ZNF521: variants seen among roughly 807,000 people sequenced by gnomAD.
ZNF521 encodes the protein zinc finger protein 521, also known as LYST-interacting protein 3.
A neutral mutation model predicts 105.5 loss-of-function variants in ZNF521; 14 were observed. That is an observed-to-expected ratio of 0.13 (90% CI 0.09 to 0.21). The LOEUF (loss-of-function observed/expected upper bound fraction) is 0.21. Ranked by LOEUF, ZNF521 falls within the 10% of genes least tolerant of loss-of-function variation. The pLI is 1.00. For synonymous variants in ZNF521, 635 were observed against 606.0 expected (o/e 1.05, Z -0.70); for missense variants, 1,233 against 1,629.7 (o/e 0.76, Z 4.19).
At chr18:25,252,342 A>G (rs905331608) in intron 3 of ZNF521, among the ~76,000 whole-genome samples, 1 of 152,202 alleles carries the variant, frequency 6.6e-6, no homozygotes, top group Non-Finnish European at 1.5e-5. Context: ...TAACTTCATT[A>G]GCTTCTGCAA....
intron 5 of ZNF521, among the ~76,000 whole-genome samples, chr18:25,130,919 G>C (rs2034629848): frequency 6.6e-6 from 1 of 151,808 alleles, no homozygotes; most frequent in South Asian, 2.1e-4. Flanking sequence ...CTCCAGCCTG[G>C]GTGAAAGAAT....
At chr18:25,077,532 G>GA (rs2033391678) in intron 7 of ZNF521, among the ~76,000 whole-genome samples, 2 of 151,418 alleles carry the variant, frequency 1.3e-5, no homozygotes, top group Non-Finnish European at 2.9e-5. Context: ...CTCCTCTTAT[G>GA]TTTTTTTTAA....
intron 3 of ZNF521, among the ~76,000 whole-genome samples, chr18:25,230,210 G>C (rs957048301): frequency 6.6e-6 from 1 of 152,124 alleles, no homozygotes; most frequent in East Asian, 1.9e-4. Flanking sequence ...GAAGTCATAA[G>C]GCGTGGGGAT....
At chr18:25,239,255 A>T (rs2144789418) in intron 3 of ZNF521, among the ~76,000 whole-genome samples, 1 of 152,308 alleles carries the variant, frequency 6.6e-6, no homozygotes. Flanking sequence ...TCTCTGTAAG[A>T]GCGTTGGCAG....
At chr18:25,211,321 T>G (rs1030329826) in intron 4 of ZNF521, among the ~76,000 whole-genome samples, 3 of 152,174 alleles carry the variant, frequency 2.0e-5, no homozygotes, top group Non-Finnish European at 2.9e-5. Context: ...GGGAGTTTTT[T>G]GTTTTTATGT....
At chr18:25,063,861 C>G (rs377246851) in intron 7 of ZNF521, among the ~76,000 whole-genome samples, 2 of 152,188 alleles carry the variant, frequency 1.3e-5, no homozygotes, top group African/African-American at 4.8e-5. Context: ...GGGCCCAGCT[C>G]AAAATATCAC....
At chr18:25,149,419 ATATTCT>A (rs745704266) in intron 5 of ZNF521, among the ~76,000 whole-genome samples, 6 of 152,142 alleles carry the variant, frequency 3.9e-5, no homozygotes, top group Non-Finnish European at 7.3e-5. Flanking sequence ...TATAAGGTTG[ATATTCT>A]TATAATTATC....
chr18:25,189,196 T>A (rs2035777269), intron 5 of ZNF521, among the ~76,000 whole-genome samples: 1 of 152,190 alleles, frequency 6.6e-6, no homozygotes, highest in African/African-American at 2.4e-5. Context: ...TAAATTGTCT[T>A]TGTTTTTAGG....
At chr18:25,074,361 A>C (rs2033307738) in intron 7 of ZNF521, among the ~76,000 whole-genome samples, 1 of 152,170 alleles carries the variant, frequency 6.6e-6, no homozygotes, top group African/African-American at 2.4e-5. Flanking sequence ...CCCTACTTTA[A>C]ATAAAAAACC....
rs572747656 is a variant in ZNF521, at chr18:25,111,852, T to C, written c.3659-19771A>G. 1.1e-4 allele frequency among the ~76,000 whole-genome samples: 16 copies of C among 152,366 alleles called. 1 individual carries two copies. The highest frequency in any genetic ancestry group is 6.8e-3 in the Middle Eastern group (2 of 294). ...GTTTACTTTCATAAGCCCGAGGTTT[T>C]ACTGCATCTTGAGACGAGGCAGTGG... On this transcript the variant is annotated intron_variant, in intron 5 of 7. Transcript: ENST00000361524.
chr18:25,269,667 G>A (rs1156930755), intron 3 of ZNF521, among the ~76,000 whole-genome samples: 15 of 152,156 alleles, frequency 9.9e-5, no homozygotes, highest in Admixed American at 9.8e-4. Flanking sequence ...CATGGAAACT[G>A]AACAACCTGC....
At position 25,225,999 on chromosome 18, in the gene ZNF521, C is replaced by T. The variant is rs781049394; in HGVS notation, c.1919G>A (p.Gly640Asp). ...PTGEYICNQC[G>D]AKYTSLDSFQ... ...GCTGTCTAGGGATGTGTACTTAGCA[C>T]CACATTGATTACAGATATATTCTCC... is the stretch of plus-strand genomic sequence containing the variant. Residue 640 changes from glycine (G) to aspartate (D), a missense_variant, in exon 4 of 8, where the codon GGT (glycine) becomes GAT (aspartate). Physicochemically the swap from Gly to Asp is moderately conservative, Grantham distance 94. Transcript: ENST00000361524. This position sits in a 1 kb window ranked among gnomAD's most constrained non-coding sequence, Gnocchi z 5.6. 1 of 1,614,142 alleles carries T rather than the reference C, an allele frequency of 6.2e-7. No homozygotes were observed. The highest frequency in any genetic ancestry group is 8.5e-7 in the Non-Finnish European group (1 of 1,180,024).
At chr18:25,120,525 T>C (rs955516935) in intron 5 of ZNF521, among the ~76,000 whole-genome samples, 5 of 150,458 alleles carry the variant, frequency 3.3e-5, no homozygotes, top group South Asian at 2.1e-4. Flanking sequence ...AGAGGTTGCA[T>C]TGAGCTGAGA....
chr18:25,204,084 T>C (rs1365733502), intron 4 of ZNF521, among the ~76,000 whole-genome samples: 1 of 152,174 alleles, frequency 6.6e-6, no homozygotes, highest in Non-Finnish European at 1.5e-5. Flanking sequence ...AAAAGCTCCG[T>C]GAGACTTCCC....
intron 5 of ZNF521, among the ~76,000 whole-genome samples, chr18:25,146,903 G>T (rs1397740458): frequency 6.6e-6 from 1 of 152,012 alleles, no homozygotes; most frequent in Non-Finnish European, 1.5e-5. Flanking sequence ...CTCCTTGATA[G>T]CAGGAGTCAC....
At chr18:25,295,920 G>A (rs989352426) in intron 3 of ZNF521, among the ~76,000 whole-genome samples, 2 of 152,198 alleles carry the variant, frequency 1.3e-5, no homozygotes, top group African/African-American at 4.8e-5. Flanking sequence ...CCCGCCAGCA[G>A]TGTCTATTAC....
intron 4 of ZNF521, among the ~76,000 whole-genome samples, chr18:25,212,538 A>AAAAATAT (rs1555647923): frequency 2.9e-4 from 14 of 48,138 alleles, no homozygotes; most frequent in African/African-American, 1.4e-3. Context: ...AAAAAAAAAA[A>AAAAATAT]ATATATATAT....
chr18:25,280,707 C>A (rs1910312063), intron 3 of ZNF521, among the ~76,000 whole-genome samples: 1 of 152,082 alleles, frequency 6.6e-6, no homozygotes, highest in African/African-American at 2.4e-5. Context: ...TTGATATCAC[C>A]CTTATTTGTT....
At chr18:25,335,560 T>C (rs1270818142) in intron 2 of ZNF521, among the ~76,000 whole-genome samples, 2 of 152,238 alleles carry the variant, frequency 1.3e-5, no homozygotes, top group Admixed American at 1.3e-4. Flanking sequence ...AAATTTCCTT[T>C]GTCACTTTCT....
Sources: allele counts gnomAD v4.1 joint callset (sites outside exome capture counted in the v4.1 genomes callset), GRCh38; gene constraint gnomAD v4.1.1; non-coding constraint Gnocchi (gnomAD v3.1); transcripts MANE v1.5; gene names NCBI Gene and HGNC (gene_info 2026-07-23, HGNC 2026-07-21).